GNG7: variants seen among roughly 807,000 people sequenced by gnomAD.
GNG7 encodes the protein guanine nucleotide-binding protein G(I)/G(S)/G(O) subunit gamma-7.
Under a neutral mutation model 4.0 loss-of-function variants are expected in GNG7, and 1 was observed. The observed-to-expected ratio is 0.25, with a 90% CI of 0.09 to 1.18. The LOEUF is 1.18. Among genes scored for constraint, GNG7 ranks in the 50% most tolerant of loss-of-function variants. The probability of loss-of-function intolerance (pLI) is 0.50; values close to 1 mark genes in which losing one functional copy is unlikely to be tolerated. For synonymous variants in GNG7, 34 were observed against 36.9 expected (o/e 0.92, Z 0.29); for missense variants, 86 against 91.9 (o/e 0.94, Z 0.26).
intron 2 of GNG7, among the ~76,000 whole-genome samples, chr19:2,563,008 G>T (rs1979792899): frequency 6.6e-6 from 1 of 151,978 alleles, no homozygotes; most frequent in Admixed American, 6.6e-5. Flanking sequence ...GCAGTGGCGT[G>T]ATCTCGGCTC....
chr19:2,633,493 A>ACACGCGCGCG lies in GNG7; in HGVS notation c.-78+12730_-78+12731insCGCGCGCGTG, dbSNP rs1555698933. On this transcript the variant is annotated intron_variant, in intron 2 of 4. Transcript: ENST00000382159. The surrounding 1 kb of genome is among the most constrained non-coding windows in gnomAD (Gnocchi z 5.9). The stretch of plus-strand genomic sequence containing the variant: ...CAGGCGCGCGCGCGCGCGCGCACAC[A>ACACGCGCGCG]CACACACACACACACACACACACAC... Among the ~76,000 whole-genome samples the ACACGCGCGCG allele has an allele frequency of 0.01, 1,199 of 115,190 alleles. 28 individuals are homozygous for ACACGCGCGCG. The highest frequency in any genetic ancestry group is 0.036 in the African/African-American group (1,147 of 31,536). The allele number at this position is 115,190 out of a possible 152,430, so 75.6% of individuals were successfully genotyped here.
At chr19:2,666,361 T>C (rs150242742) in intron 1 of GNG7, among the ~76,000 whole-genome samples, 2,318 of 151,164 alleles carry the variant, frequency 0.015, 60 homozygotes, top group African/African-American at 0.054. Flanking sequence ...TTAGTAGAGA[T>C]GGGGTTTCGC....
In GNG7 at chr19:2,557,015, ACACACACACG is replaced by A. The variant is rs1356500535; in HGVS notation, c.-77-1837_-77-1828del. Among the ~76,000 whole-genome samples, 1 of 108,152 alleles carries A rather than the reference ACACACACACG, an allele frequency of 9.2e-6. No homozygotes were observed. The highest frequency in any genetic ancestry group is 1.1e-4 in the Admixed American group (1 of 9,068). The allele number at this position is 108,152 out of a possible 152,430, so 71.0% of individuals were successfully genotyped here. A position where few individuals can be genotyped will look rare whatever the true frequency, so the allele number is the denominator to read the frequency against. ...GGGCTGCCTCCCCTCCCACCTCTAC[ACACACACACG>A]CACACACAGACACACGCACACTCAC... On this transcript the variant is annotated intron_variant, in intron 2 of 4. Transcript: ENST00000382159. The surrounding 1 kb of genome is among the most constrained non-coding windows in gnomAD (Gnocchi z 5.1).
intron 3 of GNG7, among the ~76,000 whole-genome samples, chr19:2,540,536 C>T (rs113556512): frequency 1.1e-4 from 17 of 152,270 alleles, no homozygotes; most frequent in African/African-American, 3.9e-4. Context: ...GGCCCCTGCT[C>T]GGGGGTGGGT....
intron 3 of GNG7, among the ~76,000 whole-genome samples, chr19:2,524,165 C>T (rs1978326325): frequency 6.6e-6 from 1 of 151,518 alleles, no homozygotes; most frequent in African/African-American, 2.5e-5. Context: ...TCCACCCAGA[C>T]CCTGGGCCCC....
chr19:2,575,644 C>T lies in GNG7; in HGVS notation c.-77-20456G>A, dbSNP rs571538571. 2.2e-3 allele frequency among the ~76,000 whole-genome samples: 309 copies of T among 142,330 alleles called. 2 individuals are homozygous for T. Among genetic ancestry groups the T allele is most frequent in the African/African-American group, 7.4e-3 (280 of 38,052 alleles). The allele number at this position is 142,330 out of a possible 152,430, so 93.4% of individuals were successfully genotyped here. ...AGACATGCAGGCACACACAGGCACA[C>T]GCAGACACGCAGGCACACGCAGGCA... On this transcript the variant is annotated intron_variant, in intron 2 of 4. Coordinates refer to ENST00000382159, the MANE Select transcript of GNG7 (RefSeq NM_052847.3).
At chr19:2,593,142 A>G (rs903414435) in intron 2 of GNG7, among the ~76,000 whole-genome samples, 4 of 152,222 alleles carry the variant, frequency 2.6e-5, no homozygotes, top group African/African-American at 9.6e-5. Context: ...AAGAAAATCC[A>G]GCACAGACTA....
intron 1 of GNG7, among the ~76,000 whole-genome samples, chr19:2,674,418 GTGTTTTTGTTTTT>G (rs1286753601): frequency 1.3e-5 from 2 of 148,406 alleles, no homozygotes; most frequent in African/African-American, 2.5e-5. Context: ...AAGGTGACTG[GTGTTTTTGTTTTT>G]TGTTTTTGTT....
At chr19:2,521,213 C>A (rs1366999158) in intron 3 of GNG7, among the ~76,000 whole-genome samples, 1 of 151,834 alleles carries the variant, frequency 6.6e-6, no homozygotes, top group Non-Finnish European at 1.5e-5. Context: ...TTGCAGTGAG[C>A]CGAGATGGTG....
intron 2 of GNG7, among the ~76,000 whole-genome samples, chr19:2,615,330 A>G (rs1342338992): frequency 3.3e-5 from 5 of 150,594 alleles, no homozygotes; most frequent in Non-Finnish European, 7.4e-5. Flanking sequence ...CCTGCCTTCA[A>G]TGCTCCTCCC....
At chr19:2,677,518 C>T (rs1326816506) in intron 1 of GNG7, among the ~76,000 whole-genome samples, 5 of 151,796 alleles carry the variant, frequency 3.3e-5, no homozygotes, top group African/African-American at 1.2e-4. Context: ...AATATTGTAT[C>T]TGCTCCCTGT....
intron 1 of GNG7, among the ~76,000 whole-genome samples, chr19:2,692,344 G>A (rs1599464883): frequency 6.6e-6 from 1 of 151,956 alleles, no homozygotes; most frequent in African/African-American, 2.4e-5. Flanking sequence ...TTTTTAAGAA[G>A]GCCAGGGGAG....
chr19:2,521,124 G>A (rs1378293182), intron 3 of GNG7, among the ~76,000 whole-genome samples: 1 of 151,612 alleles, frequency 6.6e-6, no homozygotes, highest in Non-Finnish European at 1.5e-5. Context: ...AAATTAGCCA[G>A]GCATGGTGGT....
At chr19:2,630,112 C>T (rs1982119822) in intron 2 of GNG7, among the ~76,000 whole-genome samples, 1 of 151,918 alleles carries the variant, frequency 6.6e-6, no homozygotes, top group African/African-American at 2.4e-5. Context: ...CTCCCAATAA[C>T]CCCCACCCTC....
At chr19:2,685,810 G>T (rs111772174) in intron 1 of GNG7, among the ~76,000 whole-genome samples, 1 of 152,052 alleles carries the variant, frequency 6.6e-6, no homozygotes, top group Non-Finnish European at 1.5e-5. Flanking sequence ...GGCAGGGGAC[G>T]GCCTTGAACA....
chr19:2,597,678 C>A (rs991382159), intron 2 of GNG7, among the ~76,000 whole-genome samples: 2 of 151,086 alleles, frequency 1.3e-5, no homozygotes, highest in African/African-American at 4.9e-5. Context: ...GGGTGGATCA[C>A]GAGGTCAGCA....
At chr19:2,544,085 A>G (rs1035334179) in intron 3 of GNG7, among the ~76,000 whole-genome samples, 10 of 152,104 alleles carry the variant, frequency 6.6e-5, no homozygotes, top group Admixed American at 6.6e-4. Flanking sequence ...GAGGGGAGAC[A>G]ATGCTTGGAG....
At chr19:2,680,512 G>T (rs962538776) in intron 1 of GNG7, among the ~76,000 whole-genome samples, 1 of 151,094 alleles carries the variant, frequency 6.6e-6, no homozygotes, top group Non-Finnish European at 1.5e-5. Context: ...GCTCTGAAAA[G>T]TGACCACATA....
At chr19:2,612,738 G>A (rs1226815990) in intron 2 of GNG7, among the ~76,000 whole-genome samples, 2 of 112,694 alleles carry the variant, frequency 1.8e-5, no homozygotes, top group Non-Finnish European at 3.2e-5. Context: ...GTCTTGCTGT[G>A]TCGCCCAGGC....
Sources: allele counts gnomAD v4.1 joint callset (sites outside exome capture counted in the v4.1 genomes callset), GRCh38; gene constraint gnomAD v4.1.1; non-coding constraint Gnocchi (gnomAD v3.1); transcripts MANE v1.5; gene names NCBI Gene and HGNC (gene_info 2026-07-23, HGNC 2026-07-21).